CDC42BPA: variants seen among roughly 807,000 people sequenced by gnomAD.
The protein encoded by CDC42BPA is CDC42 binding protein kinase alpha.
Under a neutral mutation model 223.5 loss-of-function variants are expected in CDC42BPA, and 80 were observed. That is an observed-to-expected ratio of 0.36 (90% confidence interval 0.30 to 0.43). CDC42BPA has a LOEUF of 0.43. CDC42BPA is among the 20% of genes least tolerant of loss of function. The pLI, the probability that CDC42BPA is intolerant of heterozygous loss-of-function variation, is 1.00. For missense variants in CDC42BPA, 1,743 were observed against 2,099.9 expected, an observed-to-expected ratio of 0.83 and a Z score of 3.32; for synonymous variants, 694 against 718.6, an observed-to-expected ratio of 0.97 and a Z score of 0.55.
intron 5 of CDC42BPA, among the ~76,000 whole-genome samples, chr1:227,163,269 T>C (rs1026401602): frequency 6.6e-6 from 1 of 152,152 alleles, no homozygotes; most frequent in Non-Finnish European, 1.5e-5. Context: ...AATTCATTAA[T>C]TTTAATTAAT....
intron 32 of CDC42BPA, among the ~76,000 whole-genome samples, chr1:227,021,215 G>A (rs1247090734): frequency 1.3e-5 from 2 of 152,058 alleles, no homozygotes; most frequent in Admixed American, 6.6e-5. Flanking sequence ...GTCAACACGC[G>A]CTGTTGGGAA....
intron 33 of CDC42BPA, 112 bp from the exon 34 acceptor site, chr1:227,016,309 A>ATAAGAATATAGAGTAAC: frequency 1.4e-6 from 1 of 696,286 alleles, no homozygotes; most frequent in Non-Finnish European, 2.6e-6. Flanking sequence ...AATCACATTA[A>ATAAGAATATAGAGTAAC]TAAGAATATA....
At chr1:227,100,419 T>C (rs915401021) in intron 15 of CDC42BPA, among the ~76,000 whole-genome samples, 7 of 152,166 alleles carry the variant, frequency 4.6e-5, no homozygotes, top group African/African-American at 1.4e-4. Context: ...TATTTTACTT[T>C]CCAGCTTCAT....
intron 2 of CDC42BPA, among the ~76,000 whole-genome samples, chr1:227,242,779 A>G (rs1293803813): frequency 6.6e-6 from 1 of 152,140 alleles, no homozygotes; most frequent in African/African-American, 2.4e-5. Flanking sequence ...TCCTCAAAGA[A>G]CAAAAACAGA....
intron 4 of CDC42BPA, among the ~76,000 whole-genome samples, chr1:227,198,292 A>G (rs888738884): frequency 2.6e-5 from 4 of 151,906 alleles, no homozygotes; most frequent in African/African-American, 9.7e-5. Flanking sequence ...CTTAACAACA[A>G]CAACAAAAAA....
intron 16 of CDC42BPA, among the ~76,000 whole-genome samples, chr1:227,091,502 G>A (rs1243427612): frequency 6.6e-6 from 1 of 152,172 alleles, no homozygotes; most frequent in Non-Finnish European, 1.5e-5. Flanking sequence ...ACTCTCACCA[G>A]AAGTAGATGC....
intron 35 of CDC42BPA, chr1:227,004,698 T>G: frequency 2.5e-6 from 1 of 400,834 alleles, no homozygotes; most frequent in Non-Finnish European, 4.7e-6. Context: ...CTACCCCTTG[T>G]TATTCTCTAT....
chr1:227,035,752 C>T (rs1670092318), intron 24 of CDC42BPA, 145 bp from the exon 25 acceptor site: 1 of 574,018 alleles, frequency 1.7e-6, no homozygotes, highest in Admixed American at 3.8e-5. Context: ...ATTTGGGTAG[C>T]TGATTCATTT....
intron 9 of CDC42BPA, among the ~76,000 whole-genome samples, chr1:227,141,946 C>T (rs986600442): frequency 6.6e-6 from 1 of 152,044 alleles, no homozygotes; most frequent in African/African-American, 2.4e-5. Flanking sequence ...TCCAGCCCTT[C>T]TGCTGCCCAG....
At chr1:227,035,179 T>C (rs1192988210) in intron 25 of CDC42BPA, among the ~76,000 whole-genome samples, 1 of 152,148 alleles carries the variant, frequency 6.6e-6, no homozygotes, top group Non-Finnish European at 1.5e-5. Context: ...AGCTCATAAT[T>C]CATAACCATA....
rs2997438 is a variant in CDC42BPA, at chr1:226,991,657, T to C, written c.*2611A>G. ...AATCCATGGGGTGAATATGGACAAG[T>C]CGCCCAGTTAGCCTGGCAACCTAGA... On this transcript the variant is annotated 3_prime_UTR_variant, in exon 37 of 37. Transcript: ENST00000366766. 0.89 allele frequency: 136,024 copies of C among 152,040 alleles called. 60,897 individuals carry two copies. The highest frequency in any genetic ancestry group is 0.9 in the Non-Finnish European group (60,903 of 68,030). 9.4% of individuals were successfully genotyped at this position (152,040 alleles called of 1,614,324 possible).
At chr1:227,002,754 C>T (rs569345620) in intron 35 of CDC42BPA, among the ~76,000 whole-genome samples, 6 of 152,134 alleles carry the variant, frequency 3.9e-5, no homozygotes, top group Non-Finnish European at 8.8e-5. Flanking sequence ...AACCAACAGT[C>T]AGTGAGGAAC....
rs940841762 is a variant in CDC42BPA, at chr1:226,994,595, T to C, written c.5134-196A>G. Among the ~76,000 whole-genome samples the C allele has an allele frequency of 6.6e-6, 1 of 152,066 alleles. No individual in the cohort carries two copies. The highest frequency in any genetic ancestry group is 1.5e-5 in the Non-Finnish European group (1 of 67,998). Reference sequence around the variant, plus strand: ...CAAGCTCCGTCCTTTCTGTAGGCCTTTACAGATGATGGTATTTTCACACAA... The same window carrying C: ...CAAGCTCCGTCCTTTCTGTAGGCCTCTACAGATGATGGTATTTTCACACAA... On this transcript the variant is annotated intron_variant, in intron 36 of 36. Coordinates refer to ENST00000366766, the MANE Select transcript of CDC42BPA (RefSeq NM_001394014.1). This position sits in a 1 kb window ranked among gnomAD's most constrained non-coding sequence, Gnocchi z 4.0.
At chr1:227,013,574 G>C (rs1301294506) in intron 34 of CDC42BPA, among the ~76,000 whole-genome samples, 3 of 152,032 alleles carry the variant, frequency 2.0e-5, no homozygotes, top group African/African-American at 7.2e-5. Flanking sequence ...TTCACCTGAT[G>C]GCAGAAGGAT....
At chr1:227,303,323 C>G (rs921779273) in intron 1 of CDC42BPA, among the ~76,000 whole-genome samples, 4 of 152,196 alleles carry the variant, frequency 2.6e-5, no homozygotes, top group African/African-American at 7.2e-5. Flanking sequence ...TTCTAATCTT[C>G]TAATCTCCTG....
intron 15 of CDC42BPA, among the ~76,000 whole-genome samples, chr1:227,100,714 G>GTGT (rs1553337859): frequency 2.4e-4 from 35 of 145,476 alleles, no homozygotes; most frequent in Admixed American, 1.1e-3. Flanking sequence ...TCAGATTATA[G>GTGT]GTGTGTGTGT....
At chr1:227,187,131 T>C (rs1668901247) in intron 5 of CDC42BPA, among the ~76,000 whole-genome samples, 1 of 152,204 alleles carries the variant, frequency 6.6e-6, no homozygotes, top group South Asian at 2.1e-4. Flanking sequence ...AACAACATCA[T>C]ATCTGTCTTT....
chr1:227,100,734 A>C, intron 15 of CDC42BPA, among the ~76,000 whole-genome samples: 1 of 102,256 alleles, frequency 9.8e-6, no homozygotes, highest in Non-Finnish European at 2.2e-5. Flanking sequence ...TGTGTCTGCC[A>C]TCATACCCAG....
intron 5 of CDC42BPA, among the ~76,000 whole-genome samples, chr1:227,175,862 A>G (rs1237212156): frequency 6.6e-6 from 1 of 152,160 alleles, no homozygotes; most frequent in African/African-American, 2.4e-5. Context: ...AGGAAATCGT[A>G]TGTGAGGACG....
Sources: allele counts gnomAD v4.1 joint callset (sites outside exome capture counted in the v4.1 genomes callset), GRCh38; gene constraint gnomAD v4.1.1; non-coding constraint Gnocchi (gnomAD v3.1); transcripts MANE v1.5; gene names NCBI Gene and HGNC (gene_info 2026-07-23, HGNC 2026-07-21).